Variants in CIDEB observed in about 807,000 individuals in gnomAD.
CIDEB encodes cell death inducing DFFA like effector b.
CIDEB carries 27 observed loss-of-function variants against 22.4 expected under a neutral mutation model. The ratio of observed to expected loss-of-function variants is 1.21; its 90% confidence interval spans 0.89 to 1.66. CIDEB has a LOEUF of 1.66. CIDEB is among the 40% of genes most tolerant of loss of function. CIDEB has a pLI of 0.00. For synonymous variants in CIDEB, 103 were observed against 109.5 expected (o/e 0.94, Z 0.37); for missense variants, 289 against 268.7 (o/e 1.08, Z -0.53).
upstream of CIDEB, chr14:24,310,779 G>A (rs2041668036): frequency 3.7e-6 from 6 of 1,607,684 alleles, no homozygotes; most frequent in African/African-American, 1.3e-5. Context: ...GCCTGGCAAC[G>A]GCTTCGTGGT....
upstream of CIDEB, chr14:24,309,142 G>A (rs1378625627): frequency 1.3e-5 from 2 of 152,242 alleles, no homozygotes; most frequent in African/African-American, 4.8e-5. Flanking sequence ...CCAGTCTTTT[G>A]TCTTGGGCAA....
chr14:24,308,226 C>T (rs184378692), upstream of CIDEB: 3 of 297,986 alleles, frequency 1.0e-5, no homozygotes, highest in Non-Finnish European at 1.9e-5. Flanking sequence ...CGGTTTCTGG[C>T]TCTCAGGCTC....
In CIDEB at chr14:24,307,863, G is replaced by T; in HGVS notation, c.-5C>A. ...CAGAGCTGAGAGGTACTCCATGGTG[G>T]ACCGGAGAGTTCCTTCCCTGGAACT... On this transcript the variant is annotated 5_prime_UTR_variant, in exon 1 of 5. Transcript: ENST00000554411. The T allele has an allele frequency of 1.9e-6, 3 of 1,588,048 alleles. No individual in the cohort carries two copies. The highest frequency in any genetic ancestry group is 2.6e-6 in the Non-Finnish European group (3 of 1,166,524).
upstream of CIDEB, chr14:24,310,611 C>T (rs373982791): frequency 1.1e-4 from 167 of 1,583,956 alleles, 1 homozygote; most frequent in Admixed American, 3.7e-4. Context: ...GGGGTTTTGC[C>T]CCACCCCTGA....
At chr14:24,309,017 T>C (rs950916110), upstream of CIDEB, 13 of 152,230 alleles carry the variant, frequency 8.5e-5, no homozygotes, top group African/African-American at 3.1e-4. Flanking sequence ...CCTGACCCCC[T>C]TGTTTTGGAT....
Position 24,307,381 on chromosome 14 carries a change from A to C in CIDEB, c.176T>G (p.Leu59Arg). Residue 59 changes from leucine (L) to arginine (R), a missense_variant, in exon 2 of 5, where the codon CTG becomes CGG. Coordinates refer to ENST00000554411, the MANE Select transcript of CIDEB (RefSeq NM_001393339.1). ...ACTTGGCCTACTTACTTTGGCTAGC[A>C]GCTCCTGGCGGGTGGCAGCTGTCAG... Reference protein sequence around the residue: ...KGLTAATRQELLAKALETLLL... With the variant: ...KGLTAATRQERLAKALETLLL... The C allele has an allele frequency of 1.9e-6, 3 of 1,613,510 alleles. No individual in the cohort carries two copies. The South Asian group carries it at 3.3e-5, about 18-fold the overall frequency.
chr14:24,310,858 C>T (rs375166428), upstream of CIDEB: 45 of 1,591,058 alleles, frequency 2.8e-5, no homozygotes, highest in Non-Finnish European at 3.3e-5. Flanking sequence ...CTGCACCTGG[C>T]GCTGGCCGAC....
intron 1 of CIDEB, 54 bp from the exon 2 acceptor site, chr14:24,307,569 A>G: frequency 6.3e-7 from 1 of 1,584,556 alleles, no homozygotes; most frequent in Non-Finnish European, 8.6e-7. Context: ...TGGTGAGTGT[A>G]AAGGGCATGA....
rs1217126878 is a variant in CIDEB, at chr14:24,306,052, TG to T, written c.421del (p.Gln141LysfsTer10). On this transcript the variant is annotated frameshift_variant, in exon 4 of 5. Coordinates refer to ENST00000554411, the MANE Select transcript of CIDEB (RefSeq NM_001393339.1). LOFTEE classifies it high-confidence loss of function. ...GCTGCCAAAGAGGTCTCGAGGGTTT[TG>T]CTTGTACACGTCAAAGGTGAATCGG... ...IARFTFDVYK[Q>X]NPRDLFGSLN... The T allele has an allele frequency of 4.3e-6, 7 of 1,614,206 alleles. No homozygotes were observed. Among genetic ancestry groups the T allele is most frequent in the Non-Finnish European group, 5.9e-6 (7 of 1,180,030 alleles).
upstream of CIDEB, chr14:24,311,185 C>T (rs1478505668): frequency 1.0e-5 from 16 of 1,607,510 alleles, no homozygotes; most frequent in East Asian, 2.2e-4. Flanking sequence ...TGCCACCCGT[C>T]GCCGGTCCAC....
upstream of CIDEB, chr14:24,310,108 G>T: frequency 5.7e-6 from 1 of 174,228 alleles, no homozygotes; most frequent in Non-Finnish European, 1.2e-5. Flanking sequence ...CCCCAGGAGA[G>T]GCCCAGGATG....
chr14:24,306,299 G>T, intron 3 of CIDEB, 75 bp downstream of exon 3: 1 of 1,593,540 alleles, frequency 6.3e-7, no homozygotes, highest in Non-Finnish European at 8.6e-7. Context: ...CCAGGATCAG[G>T]GTTAAGCTAG....
At chr14:24,310,750 TGGCGGCGCTGCTGG>T (rs771298018), upstream of CIDEB, 1 of 1,610,906 alleles carries the variant, frequency 6.2e-7, no homozygotes. Context: ...TTCCTGCTGC[TGGCGGCGCTGCTGG>T]GGCTGCCTGG....
chr14:24,307,735 A>G lies in CIDEB; in HGVS notation c.41+83T>C, dbSNP rs1025034731. On this transcript the variant is annotated intron_variant, in intron 1 of 4. Coordinates refer to ENST00000554411, the MANE Select transcript of CIDEB (RefSeq NM_001393339.1). ...AGCAGGAGAGGAAGGGGTACTGGTT[A>G]GTCTCCTAGGGGCTGAGTGGAGTAT... The G allele has an allele frequency of 3.5e-6, 5 of 1,428,920 alleles. No individual in the cohort carries two copies. The Admixed American group carries it at 5.9e-5, about 17-fold the overall frequency. The allele number at this position is 1,428,920 out of a possible 1,614,324, so 88.5% of individuals were successfully genotyped here.
At chr14:24,305,888 G>A (rs917405630) in intron 4 of CIDEB, 59 bp downstream of exon 4, 31 of 1,583,934 alleles carry the variant, frequency 2.0e-5, no homozygotes, top group Non-Finnish European at 2.5e-5. Context: ...GCAAGAGGAC[G>A]AATTATGGGG....
At position 24,306,661 on chromosome 14, in the gene CIDEB, AG is replaced by A. The variant is rs2041519482; in HGVS notation, c.187-139del. 3 of 1,024,976 alleles carry A rather than the reference AG, an allele frequency of 2.9e-6. No individual in the cohort carries two copies. In the South Asian group the frequency reaches 4.5e-5, roughly 15 times the overall value. 63.5% of individuals were successfully genotyped at this position (1,024,976 alleles called of 1,614,324 possible). On this transcript the variant is annotated intron_variant, in intron 2 of 4. Coordinates refer to ENST00000554411, the MANE Select transcript of CIDEB (RefSeq NM_001393339.1). ...TTTCCGGCACTTTGATACCTCCTAA[AG>A]GTTGCAGCTCTCCGTGTTCTTCAGT...
chr14:24,306,978 C>T (rs1056714008), intron 2 of CIDEB: 1 of 249,408 alleles, frequency 4.0e-6, no homozygotes, highest in Admixed American at 5.0e-5. Flanking sequence ...TTCAACAACC[C>T]TAGGAGGTGA....
rs1223384196 is a variant in CIDEB, at chr14:24,307,946, C to T, written c.-88G>A. 4 of 1,223,570 alleles carry T rather than the reference C, an allele frequency of 3.3e-6. No individual in the cohort carries two copies. The highest frequency in any genetic ancestry group is 4.7e-6 in the Non-Finnish European group (4 of 848,854). 75.8% of individuals were successfully genotyped at this position (1,223,570 alleles called of 1,614,324 possible). A position where few individuals can be genotyped will look rare whatever the true frequency, so the allele number is the denominator to read the frequency against. On this transcript the variant is annotated 5_prime_UTR_variant, in exon 1 of 5. Transcript: ENST00000554411. Reference sequence around the variant, plus strand: ...CTTTAGTGGTGTTTTCTGTTACAAACCTGGGATCTCAGCCCAGGACAAGGT... The same window carrying T: ...CTTTAGTGGTGTTTTCTGTTACAAATCTGGGATCTCAGCCCAGGACAAGGT...
At chr14:24,306,672 C>T in intron 2 of CIDEB, 149 bp from the exon 3 acceptor site, 1 of 916,708 alleles carries the variant, frequency 1.1e-6, no homozygotes, top group Non-Finnish European at 1.7e-6. Context: ...GGTTGCAGCT[C>T]TCCGTGTTCT....
Sources: allele counts gnomAD v4.1 joint callset, GRCh38; gene constraint gnomAD v4.1.1; transcripts MANE v1.5; gene names NCBI Gene and HGNC (gene_info 2026-07-23, HGNC 2026-07-21).